The following ADCY7 variants were observed in gnomAD, a reference collection of about 807,000 sequenced individuals.
ADCY7 encodes adenylate cyclase type 7.
A neutral mutation model predicts 120.6 loss-of-function variants in ADCY7; 72 were observed. The observed-to-expected ratio is 0.60, with a 90% CI of 0.49 to 0.73. The LOEUF (loss-of-function observed/expected upper bound fraction) is 0.73, where lower values mean the gene tolerates loss of function less well. Among genes scored for constraint, ADCY7 ranks in the 30% least tolerant of loss-of-function variants. The pLI is 0.00. For missense variants in ADCY7, 1,227 were observed against 1,486.0 expected, an observed-to-expected ratio of 0.83 and a Z score of 2.87; for synonymous variants, 661 against 628.0, an observed-to-expected ratio of 1.05 and a Z score of -0.78.
intron 1 of ADCY7, among the ~76,000 whole-genome samples, chr16:50,286,445 A>AG (rs1209064404): frequency 6.6e-5 from 10 of 150,398 alleles, no homozygotes; most frequent in South Asian, 2.1e-4. Context: ...AAAAAAAAAA[A>AG]AGAGAGAAAG....
intron 1 of ADCY7, among the ~76,000 whole-genome samples, chr16:50,248,597 GT>G (rs1425505589): frequency 6.6e-6 from 1 of 152,256 alleles, no homozygotes; most frequent in Non-Finnish European, 1.5e-5. Flanking sequence ...CTTTGGGGGA[GT>G]TCGTGGACAG....
Position 50,315,573 on chromosome 16 carries a change from A to T in ADCY7, c.*68A>T. 1.9e-6 allele frequency: 3 copies of T among 1,567,858 alleles called. No homozygotes were observed. Among genetic ancestry groups the T allele is most frequent in the South Asian group, 2.3e-5 (2 of 88,176 alleles). ...TTCCCTGAAGCAAGCCCAGGAGAAG[A>T]CTCTCCGCCCCACGCCAATCCCAAA... is the stretch of plus-strand genomic sequence containing the variant. On this transcript the variant is annotated 3_prime_UTR_variant, in exon 26 of 26. Coordinates refer to ENST00000673801, the MANE Select transcript of ADCY7 (RefSeq NM_001114.5).
chr16:50,313,104 C>G lies in ADCY7; in HGVS notation c.2751+68C>G, dbSNP rs957828882. On this transcript the variant is annotated intron_variant, in intron 22 of 25. Transcript: ENST00000673801. ...GCTGGAGAGGGAAGGGCGGTGGCAC[C>G]TGCCATCCTAAAACCCAATTTAAAA... 3.8e-6 allele frequency: 6 copies of G among 1,590,000 alleles called. No individual in the cohort carries two copies. The African/African-American group carries it at 8.1e-5, about 21-fold the overall frequency.
intron 20 of ADCY7, 90 bp downstream of exon 20, chr16:50,311,876 GT>G: frequency 6.9e-7 from 1 of 1,456,120 alleles, no homozygotes; most frequent in Non-Finnish European, 9.6e-7. Flanking sequence ...GTGGGCTCAG[GT>G]GGAGTAGCAG....
chr16:50,258,807 G>A (rs895818634), intron 1 of ADCY7, among the ~76,000 whole-genome samples: 3 of 151,920 alleles, frequency 2.0e-5, no homozygotes, highest in African/African-American at 7.3e-5. Context: ...GGCTGGTCTT[G>A]AACTCCTGGG....
chr16:50,304,412 C>A lies in ADCY7; in HGVS notation c.1421C>A (p.Ala474Glu). Reference sequence around the variant, plus strand: ...CACCTCCCCAGGCCCAAGGGGGACGCGGCCCTGAAGATGCGGGCGTCAGTG... The same window carrying A: ...CACCTCCCCAGGCCCAAGGGGGACGAGGCCCTGAAGATGCGGGCGTCAGTG... ...SQHLPRPKGD[A>E]ALKMRASVRM... is the part of the protein sequence containing the mutation. Residue 474 changes from alanine to glutamate, a missense_variant, in exon 11 of 26, where the codon GCG becomes GAG. Physicochemically the swap from Ala to Glu is moderately radical, Grantham distance 107. Coordinates refer to ENST00000673801, the MANE Select transcript of ADCY7 (RefSeq NM_001114.5). 2 of 1,594,894 alleles carry A rather than the reference C, an allele frequency of 1.3e-6. No individual in the cohort carries two copies. Among genetic ancestry groups the A allele is most frequent in the South Asian group, 1.1e-5 (1 of 88,956 alleles).
At chr16:50,311,905 C>T in intron 20 of ADCY7, 119 bp downstream of exon 20, 1 of 1,470,832 alleles carries the variant, frequency 6.8e-7, no homozygotes, top group East Asian at 2.3e-5. Context: ...TAGAGTCCTG[C>T]CAGGAAAGCA....
At chr16:50,260,668 T>A (rs2033034255) in intron 1 of ADCY7, among the ~76,000 whole-genome samples, 2 of 152,254 alleles carry the variant, frequency 1.3e-5, no homozygotes, top group Admixed American at 1.3e-4. Context: ...GCTGCAGTCA[T>A]CTGAAGGCTT....
At position 50,294,715 on chromosome 16, in the gene ADCY7, G is replaced by C. The variant is rs1320071876; in HGVS notation, c.912G>C (p.Leu304=). 1.9e-6 allele frequency: 3 copies of C among 1,613,734 alleles called. No individual in the cohort carries two copies. Among genetic ancestry groups the C allele is most frequent in the African/African-American group, 2.7e-5 (2 of 75,046 alleles). The change falls in exon 7 of 26, where the codon CTG becomes CTC. Residue 304 remains leucine (L), a synonymous_variant. Transcript: ENST00000673801. ...CTCCCAAGGAGCTGGTGGTGGTGCTGAATGAGCTCTTTGGCAAGTTCGACC... is the reference window on the plus strand; with the variant it reads ...CTCCCAAGGAGCTGGTGGTGGTGCTCAATGAGCTCTTTGGCAAGTTCGACC... ...DCSPKELVVV[L]NELFGKFDQI...
intron 1 of ADCY7, among the ~76,000 whole-genome samples, chr16:50,256,107 T>C (rs2032910673): frequency 6.6e-6 from 1 of 152,128 alleles, no homozygotes; most frequent in East Asian, 1.9e-4. Context: ...TAAAAGCCTC[T>C]GCATGGCAAA....
intron 25 of ADCY7, 90 bp downstream of exon 25, chr16:50,315,228 C>T: frequency 1.3e-6 from 2 of 1,576,956 alleles, no homozygotes; most frequent in African/African-American, 1.3e-5. Flanking sequence ...CTGTCTCACC[C>T]AGCAGCCATG....
intron 2 of ADCY7, among the ~76,000 whole-genome samples, chr16:50,289,509 A>G (rs1405816569): frequency 6.6e-6 from 1 of 152,290 alleles, no homozygotes; most frequent in Non-Finnish European, 1.5e-5. Flanking sequence ...CTTATTGCCC[A>G]GGCTGGAGTG....
chr16:50,294,381 A>G (rs1286502768), intron 6 of ADCY7, among the ~76,000 whole-genome samples: 4 of 152,172 alleles, frequency 2.6e-5, no homozygotes, highest in African/African-American at 9.7e-5. Context: ...GTCTGCAGTG[A>G]TAGGGCCTGG....
chr16:50,308,248 G>T (rs2036209522), intron 15 of ADCY7, 79 bp from the exon 16 acceptor site: 2 of 1,612,710 alleles, frequency 1.2e-6, no homozygotes, highest in African/African-American at 1.3e-5. Context: ...ACAGGTGGCT[G>T]TGAGCCAGAG....
intron 6 of ADCY7, among the ~76,000 whole-genome samples, chr16:50,293,820 A>T (rs1360667899): frequency 6.6e-6 from 1 of 152,236 alleles, no homozygotes; most frequent in Non-Finnish European, 1.5e-5. Flanking sequence ...ATGGTTCTCA[A>T]GGGAGCACAG....
intron 1 of ADCY7, among the ~76,000 whole-genome samples, chr16:50,252,711 T>C (rs561436551): frequency 6.6e-5 from 10 of 152,180 alleles, no homozygotes; most frequent in Non-Finnish European, 1.5e-4. Flanking sequence ...AAGCCAGAGT[T>C]TCTGCCTCCT....
At chr16:50,255,934 T>G (rs1231249305) in intron 1 of ADCY7, among the ~76,000 whole-genome samples, 1 of 152,154 alleles carries the variant, frequency 6.6e-6, no homozygotes, top group Non-Finnish European at 1.5e-5. Flanking sequence ...CAACTCAAAA[T>G]GGACTGAAGA....
At chr16:50,247,566 C>T (rs903839795) in intron 1 of ADCY7, among the ~76,000 whole-genome samples, 8 of 104,572 alleles carry the variant, frequency 7.7e-5, no homozygotes, top group Admixed American at 2.5e-4. Context: ...TTTTGGTGGA[C>T]GCATGGTCTC....
chr16:50,297,996 T>G lies in ADCY7; in HGVS notation c.949-908T>G, dbSNP rs1306365364. On this transcript the variant is annotated intron_variant, in intron 7 of 25. Coordinates refer to ENST00000673801, the MANE Select transcript of ADCY7 (RefSeq NM_001114.5). This position sits in a 1 kb window ranked among gnomAD's most constrained non-coding sequence, Gnocchi z 4.4. ...TGCTGAGGGCTTAAGGAGGGTCTGG[T>G]GACGCAGCAGTGCCTCAGATGAACC... Among the ~76,000 whole-genome samples, 4 of 151,798 alleles carry G rather than the reference T, an allele frequency of 2.6e-5. No individual in the cohort carries two copies. The East Asian group carries it at 5.8e-4, about 22-fold the overall frequency.
Sources: allele counts gnomAD v4.1 joint callset (sites outside exome capture counted in the v4.1 genomes callset), GRCh38; gene constraint gnomAD v4.1.1; non-coding constraint Gnocchi (gnomAD v3.1); transcripts MANE v1.5; gene names NCBI Gene and HGNC (gene_info 2026-07-23, HGNC 2026-07-21).